The following MBNL3 variants were observed in gnomAD, a reference collection of about 807,000 sequenced individuals.
The protein encoded by MBNL3 is muscleblind like splicing regulator 3.
A neutral mutation model predicts 24.5 loss-of-function variants in MBNL3; 6 were observed. The ratio of observed to expected loss-of-function variants is 0.25; its 90% CI spans 0.13 to 0.48. MBNL3 has a LOEUF of 0.48. MBNL3 is among the 20% of genes least tolerant of loss of function. The pLI is 0.99. For missense variants in MBNL3, 230 were observed against 293.5 expected (o/e 0.78, Z 1.58); for synonymous variants, 100 against 101.7 (o/e 0.98, Z 0.10).
At chrX:132,473,203 C>A (rs774558224) in intron 1 of MBNL3, among the ~76,000 whole-genome samples, 1 of 111,833 alleles carries the variant, frequency 8.9e-6, no homozygotes, top group East Asian at 2.8e-4. Context: ...GAATTTAAAC[C>A]TGCTGAATAT....
At chrX:132,466,790 G>A (rs941692546) in intron 1 of MBNL3, among the ~76,000 whole-genome samples, 7 of 111,603 alleles carry the variant, frequency 6.3e-5, no homozygotes, top group Non-Finnish European at 1.1e-4. Flanking sequence ...AGCACCAATG[G>A]CCTGGTCGGT....
In MBNL3 at chrX:132,390,735, A is replaced by G. The variant is rs1358551191; in HGVS notation, c.771+112T>C. 9 of 561,972 alleles carry G rather than the reference A, an allele frequency of 1.6e-5. No homozygotes were observed. The East Asian group carries it at 3.0e-4, about 18-fold the overall frequency. The allele number at this position is 561,972 out of a possible 1,213,427, so 46.3% of individuals were successfully genotyped here. A position where few individuals can be genotyped will look rare whatever the true frequency, so the allele number is the denominator to read the frequency against. On this transcript the variant is annotated intron_variant, in intron 5 of 8. Coordinates refer to ENST00000370853, the MANE Select transcript of MBNL3 (RefSeq NM_001386889.1). Reference sequence around the variant, plus strand: ...CCAGCTTATAACCTTGACTGTTCATATTAAGGTCCTCTCATGACCATCCAT... The same window carrying G: ...CCAGCTTATAACCTTGACTGTTCATGTTAAGGTCCTCTCATGACCATCCAT...
intron 3 of MBNL3, among the ~76,000 whole-genome samples, chrX:132,393,900 T>C (rs1037889332): frequency 2.7e-5 from 3 of 111,602 alleles, no homozygotes; most frequent in African/African-American, 9.8e-5. Context: ...GGGCAATGTA[T>C]ACTCATTGCC....
chrX:132,394,887 C>G (rs1264235879), intron 3 of MBNL3, among the ~76,000 whole-genome samples: 2 of 111,575 alleles, frequency 1.8e-5, no homozygotes, highest in Non-Finnish European at 3.8e-5. Flanking sequence ...GAAAAAAAGG[C>G]TATAAATTAA....
At chrX:132,429,156 A>G (rs1000380194) in intron 2 of MBNL3, among the ~76,000 whole-genome samples, 1 of 112,596 alleles carries the variant, frequency 8.9e-6, no homozygotes, top group African/African-American at 3.2e-5. Context: ...CCCATAAAAC[A>G]ACACTTTAAA....
Position 132,370,313 on chromosome X carries a change from G to A in MBNL3, c.*9353C>T. On this transcript the variant is annotated 3_prime_UTR_variant, in exon 9 of 9. Transcript: ENST00000370853. ...CATGCCCTCTACAGATGATGACCAT[G>A]GGAATGGATTCTGGTCAGTGGAATT... The A allele has an allele frequency of 8.9e-6, 1 of 111,828 alleles. No individual in the cohort carries two copies. Among genetic ancestry groups the A allele is most frequent in the East Asian group, 2.8e-4 (1 of 3,569 alleles). 9.2% of individuals were successfully genotyped at this position (111,828 alleles called of 1,213,427 possible). A position where few individuals can be genotyped will look rare whatever the true frequency, so the allele number is the denominator to read the frequency against.
chrX:132,404,395 T>C, intron 3 of MBNL3, among the ~76,000 whole-genome samples: 1 of 111,876 alleles, frequency 8.9e-6, no homozygotes, highest in Admixed American at 9.5e-5. Context: ...CCTCTGCCCT[T>C]AGAAGTAGGG....
rs1479166400 is a variant in MBNL3 at position 132,450,723 on chromosome X, G to T, written c.-703-10409C>A. ...TGTTTCCTTGCTGGCGAGGAGTTGT[G>T]ATCCTTTGGAGGAGAAGAGGCATTC... On this transcript the variant is annotated intron_variant, in intron 1 of 8. Coordinates refer to ENST00000370853, the MANE Select transcript of MBNL3 (RefSeq NM_001386889.1). Among the ~76,000 whole-genome samples, 15 of 111,778 alleles carry T rather than the reference G, an allele frequency of 1.3e-4. No individual in the cohort carries two copies. The Admixed American group carries it at 1.4e-3, about 11-fold the overall frequency.
intron 3 of MBNL3, among the ~76,000 whole-genome samples, chrX:132,394,222 G>A (rs1338919564): frequency 9.0e-6 from 1 of 111,622 alleles, no homozygotes; most frequent in Non-Finnish European, 1.9e-5. Flanking sequence ...ATAGCCAAGG[G>A]CTGACCCAGT....
At chrX:132,412,190 A>G (rs1304209841) in intron 2 of MBNL3, among the ~76,000 whole-genome samples, 2 of 111,383 alleles carry the variant, frequency 1.8e-5, no homozygotes, top group African/African-American at 3.3e-5. Flanking sequence ...TGAATCCATG[A>G]GACCCAGAGA....
intron 1 of MBNL3, among the ~76,000 whole-genome samples, chrX:132,486,680 ATTC>A (rs1948027948): frequency 1.8e-5 from 2 of 112,364 alleles, no homozygotes; most frequent in African/African-American, 3.2e-5. Context: ...TTTATAAGCT[ATTC>A]TTCTTTTTAA....
chrX:132,419,573 C>T (rs911985483), intron 2 of MBNL3, among the ~76,000 whole-genome samples: 6 of 111,595 alleles, frequency 5.4e-5, no homozygotes, highest in African/African-American at 1.3e-4. Flanking sequence ...CAAATGAGAA[C>T]GCACATGAAC....
Position 132,386,689 on chromosome X carries a change from C to T in MBNL3, c.894G>A (p.Gln298=). ...FHCQQALTNL[Q]LPQPAFIPAG... ...CAGGGATAAATGCCGGCTGTGGGAG[C>T]TGCAGGTTAGTCAGAGCCTGTTGGC... is the stretch of plus-strand genomic sequence containing the variant. The change falls in exon 6 of 9, where the codon CAG becomes CAA. Residue 298 remains glutamine (Q), a synonymous_variant. Coordinates refer to ENST00000370853, the MANE Select transcript of MBNL3 (RefSeq NM_001386889.1). 4.1e-6 allele frequency: 5 copies of T among 1,210,671 alleles called. No homozygotes were observed. Among genetic ancestry groups the T allele is most frequent in the Non-Finnish European group, 5.6e-6 (5 of 895,464 alleles).
intron 1 of MBNL3, among the ~76,000 whole-genome samples, chrX:132,459,643 T>C (rs896517368): frequency 1.4e-4 from 16 of 112,055 alleles, no homozygotes; most frequent in African/African-American, 5.2e-4. Context: ...CTCAGTCTAC[T>C]TTTTATATAT....
chrX:132,447,311 G>A (rs1475283400), intron 1 of MBNL3, among the ~76,000 whole-genome samples: 1 of 111,748 alleles, frequency 8.9e-6, no homozygotes, highest in African/African-American at 3.3e-5. Flanking sequence ...GTAGCTTGAT[G>A]GGGATAGCAT....
Position 132,406,519 on chromosome X carries a change from A to T in MBNL3, c.178-127T>A, listed in dbSNP as rs939057342. On this transcript the variant is annotated intron_variant, in intron 2 of 8. Transcript: ENST00000370853. The stretch of plus-strand genomic sequence containing the variant: ...ATCTTGAATCCATATAAGGCGAGAA[A>T]CACCCTGAAATTCACTGACAGTCTG... The T allele has an allele frequency of 7.3e-5, 43 of 587,356 alleles. No homozygotes were observed. In the African/African-American group the frequency reaches 8.0e-4, roughly 11 times the overall value. 48.4% of individuals were successfully genotyped at this position (587,356 alleles called of 1,213,427 possible).
At position 132,443,984 on chromosome X, in the gene MBNL3, T is replaced by TCCCCCCCCCCCCCCCC. The variant is rs762809506; in HGVS notation, c.-703-3671_-703-3670insGGGGGGGGGGGGGGGG. Among the ~76,000 whole-genome samples the TCCCCCCCCCCCCCCCC allele has an allele frequency of 4.9e-4, 3 of 6,154 alleles. 1 individual carries two copies. Among genetic ancestry groups the TCCCCCCCCCCCCCCCC allele is most frequent in the Non-Finnish European group, 8.4e-4 (3 of 3,556 alleles). 5.3% of individuals were successfully genotyped at this position (6,154 alleles called of 115,157 possible). On this transcript the variant is annotated intron_variant, in intron 1 of 8. Transcript: ENST00000370853. ...AAACTCAAGCAGCCTGACTCCAGAG[T>TCCCCCCCCCCCCCCCC]CCGCCCCCCCCCCCCCCCCCCACCT... is the stretch of plus-strand genomic sequence containing the variant.
At chrX:132,411,871 C>T (rs73638570) in intron 2 of MBNL3, among the ~76,000 whole-genome samples, 1,770 of 111,613 alleles carry the variant, frequency 0.016, 28 homozygotes, top group African/African-American at 0.055. Flanking sequence ...CCCTGCCATA[C>T]ACGTTTGTTG....
chrX:132,385,148 T>C (rs1232793138), intron 6 of MBNL3, among the ~76,000 whole-genome samples: 1 of 110,969 alleles, frequency 9.0e-6, no homozygotes, highest in African/African-American at 3.3e-5. Context: ...TATGAATATA[T>C]GGCAAAGAGG....
Sources: allele counts gnomAD v4.1 joint callset (sites outside exome capture counted in the v4.1 genomes callset), GRCh38; gene constraint gnomAD v4.1.1; transcripts MANE v1.5; gene names NCBI Gene and HGNC (gene_info 2026-07-23, HGNC 2026-07-21).